The following GPHN variants were observed in gnomAD, a reference collection of about 807,000 sequenced individuals.
GPHN encodes the protein gephyrin.
Under a neutral mutation model 95.5 loss-of-function variants are expected in GPHN, and 17 were observed. The ratio of observed to expected loss-of-function variants is 0.18; its 90% CI spans 0.12 to 0.27. The LOEUF (loss-of-function observed/expected upper bound fraction) is 0.27. Ranked by LOEUF, GPHN falls within the 10% of genes least tolerant of loss-of-function variation. The pLI, the probability that GPHN is intolerant of heterozygous loss-of-function variation, is 1.00. For synonymous variants in GPHN, 320 were observed against 322.5 expected, an observed-to-expected ratio of 0.99 and a Z score of 0.08; for missense variants, 660 against 978.1, an observed-to-expected ratio of 0.67 and a Z score of 4.34.
the GPHN span, among the ~76,000 whole-genome samples, chr14:67,624,056 G>T: frequency 6.6e-6 from 1 of 152,022 alleles, no homozygotes; most frequent in Admixed American, 6.6e-5. Flanking sequence ...GCCCAGGCTG[G>T]TCCCGAACTC....
intron 9 of GPHN, among the ~76,000 whole-genome samples, chr14:66,990,004 C>G (rs1876129315): frequency 6.6e-6 from 1 of 152,038 alleles, no homozygotes; most frequent in Non-Finnish European, 1.5e-5. Flanking sequence ...CTACCTGAGA[C>G]TGGGTAATTT....
chr14:67,048,155 AC>A (rs1371179858), intron 10 of GPHN, among the ~76,000 whole-genome samples: 1 of 152,168 alleles, frequency 6.6e-6, no homozygotes, highest in Non-Finnish European at 1.5e-5. Context: ...ACTTTCTGTG[AC>A]CCTTTGGAGG....
intron 1 of GPHN, among the ~76,000 whole-genome samples, chr14:66,599,392 A>C (rs1305830753): frequency 2.6e-5 from 2 of 76,524 alleles, no homozygotes; most frequent in Non-Finnish European, 2.3e-5. Context: ...TTTTTTTTGC[A>C]TTTTTTTTTT....
the GPHN span, among the ~76,000 whole-genome samples, chr14:67,237,902 T>C: frequency 6.6e-6 from 1 of 152,226 alleles, no homozygotes; most frequent in Non-Finnish European, 1.5e-5. Context: ...ATTGTCCATT[T>C]CATTCTATTT....
the GPHN span, among the ~76,000 whole-genome samples, chr14:67,531,151 G>T: frequency 1.3e-5 from 2 of 152,242 alleles, no homozygotes; most frequent in South Asian, 4.2e-4. Flanking sequence ...GGGTGATGGT[G>T]GGTATTATAG....
chr14:67,016,515 G>T (rs2153621070), intron 9 of GPHN, among the ~76,000 whole-genome samples: 1 of 152,008 alleles, frequency 6.6e-6, no homozygotes, highest in East Asian at 1.9e-4. Flanking sequence ...ATATTAATTA[G>T]ATTTTTAAAT....
the GPHN span, chr14:67,585,796 T>C: frequency 2.0e-6 from 2 of 1,014,292 alleles, no homozygotes; most frequent in Non-Finnish European, 3.0e-6. Flanking sequence ...TCCTCTAGTC[T>C]AGACACTGCT....
chr14:66,802,265 G>A (rs933669827), intron 3 of GPHN, among the ~76,000 whole-genome samples: 6 of 152,162 alleles, frequency 3.9e-5, no homozygotes, highest in African/African-American at 1.4e-4. Flanking sequence ...CTTATGGCGA[G>A]TACTGCCATT....
At chr14:67,095,188 T>G (rs900321863) in intron 12 of GPHN, among the ~76,000 whole-genome samples, 1 of 152,202 alleles carries the variant, frequency 6.6e-6, no homozygotes, top group African/African-American at 2.4e-5. Flanking sequence ...GTTCACTAAT[T>G]TTTTTATTCC....
chr14:66,894,739 C>A (rs1193266356), intron 5 of GPHN, among the ~76,000 whole-genome samples: 2 of 152,130 alleles, frequency 1.3e-5, no homozygotes, highest in Non-Finnish European at 2.9e-5. Flanking sequence ...TTTATGCAGC[C>A]AACAGACACA....
intron 5 of GPHN, among the ~76,000 whole-genome samples, chr14:66,895,799 G>A (rs2153543718): frequency 6.6e-6 from 1 of 152,250 alleles, no homozygotes; most frequent in East Asian, 1.9e-4. Context: ...CATCTCAGAT[G>A]GAGAGTTGAG....
At chr14:67,325,268 A>T in the GPHN span, among the ~76,000 whole-genome samples, 5 of 151,888 alleles carry the variant, frequency 3.3e-5, no homozygotes, top group African/African-American at 1.2e-4. Flanking sequence ...CACCCTCCAA[A>T]ATATCTTTTT....
At chr14:67,561,773 G>C in the GPHN span, among the ~76,000 whole-genome samples, 1 of 151,902 alleles carries the variant, frequency 6.6e-6, no homozygotes, top group Non-Finnish European at 1.5e-5. Context: ...AGGAGGCTGA[G>C]GTGGGAGGAT....
the GPHN span, among the ~76,000 whole-genome samples, chr14:67,310,898 C>A: frequency 1.3e-4 from 20 of 152,214 alleles, no homozygotes; most frequent in South Asian, 8.3e-4. Context: ...AGTCTGTCAT[C>A]GACAGTACTC....
chr14:67,470,654 G>C, the GPHN span: 1 of 152,890 alleles, frequency 6.5e-6, no homozygotes, highest in African/African-American at 2.4e-5. Context: ...GGACAAAAGG[G>C]CTTCATGGGG....
At chr14:67,572,487 TC>T in the GPHN span, among the ~76,000 whole-genome samples, 1 of 152,220 alleles carries the variant, frequency 6.6e-6, no homozygotes, top group Admixed American at 6.5e-5. Flanking sequence ...CCCAGAGAGC[TC>T]CTGGAATACC....
chr14:67,530,867 T>A, the GPHN span, among the ~76,000 whole-genome samples: 32 of 152,172 alleles, frequency 2.1e-4, no homozygotes, highest in Admixed American at 2.0e-4. Flanking sequence ...ATTTTTAATA[T>A]CCCACCTGCA....
chr14:66,831,078 G>A (rs1348918236), intron 4 of GPHN, among the ~76,000 whole-genome samples: 1 of 152,000 alleles, frequency 6.6e-6, no homozygotes, highest in Admixed American at 6.6e-5. Context: ...CTAACAACAT[G>A]TTAATGATTT....
At chr14:67,729,096 C>G in the GPHN span, 11 of 1,256,132 alleles carry the variant, frequency 8.8e-6, no homozygotes, top group Non-Finnish European at 1.2e-5. Flanking sequence ...TTTCCTGAGT[C>G]CCTCCTTCTC....
Sources: gnomAD v4.1 joint callset for allele counts (sites outside exome capture counted in the v4.1 genomes callset) on GRCh38, gnomAD v4.1.1 for gene constraint, MANE v1.5 for transcripts, NCBI Gene and HGNC (gene_info 2026-07-23, HGNC 2026-07-21) for gene names.